Variants in FCHSD2 observed in about 807,000 individuals in gnomAD.
FCHSD2 encodes F-BAR and double SH3 domains protein 2.
FCHSD2 carries 38 observed loss-of-function variants against 108.1 expected under a neutral mutation model. The observed-to-expected ratio is 0.35, with a 90% CI of 0.27 to 0.46. The LOEUF is 0.46. Ranked by LOEUF, FCHSD2 falls within the 20% of genes least tolerant of loss-of-function variation. The probability of loss-of-function intolerance (pLI) is 1.00; values close to 1 mark genes in which losing one functional copy is unlikely to be tolerated. For synonymous variants in FCHSD2, 279 were observed against 314.7 expected (o/e 0.89, Z 1.20); for missense variants, 751 against 897.8 (o/e 0.84, Z 2.09).
intron 10 of FCHSD2, among the ~76,000 whole-genome samples, chr11:72,897,319 TAAA>T (rs140771439): frequency 8.8e-5 from 11 of 124,846 alleles, no homozygotes; most frequent in Admixed American, 2.4e-4. Context: ...TTAAAAAGAG[TAAA>T]AAAAAAAAAA....
chr11:73,108,157 G>C (rs554293617), intron 2 of FCHSD2, among the ~76,000 whole-genome samples: 67 of 152,276 alleles, frequency 4.4e-4, no homozygotes, highest in South Asian at 1.0e-3. Context: ...TTTCTCTGAT[G>C]ATCAATGATG....
At chr11:73,049,684 T>TAAA (rs557262661) in intron 3 of FCHSD2, among the ~76,000 whole-genome samples, 10 of 75,658 alleles carry the variant, frequency 1.3e-4, no homozygotes, top group African/African-American at 3.0e-4. Context: ...TAGAGTATAA[T>TAAA]AAAAAAAAAA....
At chr11:72,909,141 A>T (rs1855694999) in intron 9 of FCHSD2, among the ~76,000 whole-genome samples, 1 of 151,332 alleles carries the variant, frequency 6.6e-6, no homozygotes, top group African/African-American at 2.4e-5. Flanking sequence ...GGCTCCCGTG[A>T]TTCTCCTGCC....
intron 10 of FCHSD2, among the ~76,000 whole-genome samples, chr11:72,895,371 T>C (rs750369407): frequency 3.9e-5 from 6 of 152,148 alleles, no homozygotes; most frequent in Non-Finnish European, 8.8e-5. Context: ...CCCTGAGTAA[T>C]GACATGAAAG....
At chr11:73,015,928 A>G in intron 3 of FCHSD2, 43 bp from the exon 4 acceptor site, 4 of 1,101,220 alleles carry the variant, frequency 3.6e-6, no homozygotes, top group Non-Finnish European at 5.3e-6. Flanking sequence ...ATATTATGCC[A>G]TAAAGGAAGC....
chr11:73,021,603 T>C (rs1040901488), intron 3 of FCHSD2, among the ~76,000 whole-genome samples: 3 of 152,030 alleles, frequency 2.0e-5, no homozygotes, highest in Non-Finnish European at 4.4e-5. Flanking sequence ...AAATAATTAA[T>C]GGGTACTAGG....
intron 8 of FCHSD2, among the ~76,000 whole-genome samples, chr11:72,963,125 T>C (rs972737104): frequency 1.3e-5 from 2 of 152,230 alleles, no homozygotes; most frequent in Non-Finnish European, 2.9e-5. Context: ...ATATACTCAG[T>C]ACTTTACGTG....
intron 2 of FCHSD2, among the ~76,000 whole-genome samples, chr11:73,086,971 T>C (rs1859831360): frequency 6.6e-6 from 1 of 152,218 alleles, no homozygotes; most frequent in Admixed American, 6.5e-5. Context: ...ACAAATATTG[T>C]ATGATTCCAA....
chr11:73,058,183 C>T (rs780928522), intron 3 of FCHSD2, among the ~76,000 whole-genome samples: 1 of 152,116 alleles, frequency 6.6e-6, no homozygotes, highest in Non-Finnish European at 1.5e-5. Flanking sequence ...CTGGCCAATT[C>T]TGTATTCTTT....
chr11:72,949,726 A>G (rs1856588089), intron 8 of FCHSD2, among the ~76,000 whole-genome samples: 1 of 152,206 alleles, frequency 6.6e-6, no homozygotes. Context: ...TTTATGGTTG[A>G]TAATATTCCA....
intron 4 of FCHSD2, among the ~76,000 whole-genome samples, chr11:73,007,243 T>C (rs1857760375): frequency 1.3e-5 from 2 of 152,224 alleles, no homozygotes; most frequent in Admixed American, 1.3e-4. Context: ...CCTAAGTTCA[T>C]GCTGTGAACG....
At chr11:73,068,830 A>G (rs1446263462) in intron 3 of FCHSD2, among the ~76,000 whole-genome samples, 2 of 142,450 alleles carry the variant, frequency 1.4e-5, no homozygotes, top group Non-Finnish European at 3.0e-5. Flanking sequence ...AAAAAAAAAA[A>G]AAGAAAAAGA....
chr11:72,940,702 G>T lies in FCHSD2; in HGVS notation c.706-18752C>A, dbSNP rs531900607. Reference sequence around the variant, plus strand: ...TATATATAGGATTCATGTTCACCGTGGTGGCAGAAAACGCCCAGTTCCTAA... The same window carrying T: ...TATATATAGGATTCATGTTCACCGTTGTGGCAGAAAACGCCCAGTTCCTAA... On this transcript the variant is annotated intron_variant, in intron 8 of 19. Coordinates refer to ENST00000409418, the MANE Select transcript of FCHSD2 (RefSeq NM_014824.3). The T allele has an allele frequency of 7.5e-5, 80 of 1,065,626 alleles. No individual in the cohort carries two copies. In the African/African-American group the frequency reaches 1.2e-3, roughly 16 times the overall value. 66.0% of individuals were successfully genotyped at this position (1,065,626 alleles called of 1,614,324 possible).
rs115306402 is a variant in FCHSD2, at chr11:72,923,916, C to T, written c.706-1966G>A. 3.1e-3 allele frequency among the ~76,000 whole-genome samples: 468 copies of T among 152,144 alleles called. 3 individuals carry two copies. The highest frequency in any genetic ancestry group is 0.011 in the African/African-American group (442 of 41,514). On this transcript the variant is annotated intron_variant, in intron 8 of 19. Coordinates refer to ENST00000409418, the MANE Select transcript of FCHSD2 (RefSeq NM_014824.3). ...TTTGTGCTATTGAAATACAGCTCTGCGTGACAGAGCAAGACTCAGTCTCAG... is the reference window on the plus strand; with the variant it reads ...TTTGTGCTATTGAAATACAGCTCTGTGTGACAGAGCAAGACTCAGTCTCAG...
chr11:72,838,622 A>G lies in FCHSD2; in HGVS notation c.*169T>C. 2 of 603,248 alleles carry G rather than the reference A, an allele frequency of 3.3e-6. No individual in the cohort carries two copies. The highest frequency in any genetic ancestry group is 2.9e-5 in the Admixed American group (1 of 34,420). 37.4% of individuals were successfully genotyped at this position (603,248 alleles called of 1,614,324 possible). The stretch of plus-strand genomic sequence containing the variant: ...ATGACAACAAAAAAAAAAGGCACGA[A>G]ATATTCAAAACGTGGGAGGAGTCTA... On this transcript the variant is annotated 3_prime_UTR_variant, in exon 20 of 20. Transcript: ENST00000409418.
In FCHSD2 at chr11:73,053,111, G is replaced by A. The variant is rs1033447123; in HGVS notation, c.165+30584C>T. Among the ~76,000 whole-genome samples the A allele has an allele frequency of 2.7e-5, 4 of 148,346 alleles. No individual in the cohort carries two copies. The South Asian group carries it at 8.5e-4, about 31-fold the overall frequency. On this transcript the variant is annotated intron_variant, in intron 3 of 19. Coordinates refer to ENST00000409418, the MANE Select transcript of FCHSD2 (RefSeq NM_014824.3). ...TCTGCCCACCTCAGCCTCCCAAAGT[G>A]CTGGGATTACAGGAGTGAGCCACTG...
intron 8 of FCHSD2, among the ~76,000 whole-genome samples, chr11:72,977,637 A>G (rs1218462103): frequency 6.6e-6 from 1 of 152,264 alleles, no homozygotes; most frequent in East Asian, 1.9e-4. Context: ...ACGCTCTCAC[A>G]CCAGTTAGAA....
chr11:73,107,391 A>G (rs1376211222), intron 2 of FCHSD2, among the ~76,000 whole-genome samples: 1 of 152,162 alleles, frequency 6.6e-6, no homozygotes, highest in Non-Finnish European at 1.5e-5. Flanking sequence ...GCAGGTGTAT[A>G]TATAGATGAG....
intron 3 of FCHSD2, among the ~76,000 whole-genome samples, chr11:73,025,569 A>C (rs1299211685): frequency 6.6e-6 from 1 of 152,146 alleles, no homozygotes; most frequent in Non-Finnish European, 1.5e-5. Context: ...GTGATGCAAT[A>C]ATCTGTACCA....
Sources: allele counts gnomAD v4.1 joint callset (sites outside exome capture counted in the v4.1 genomes callset), GRCh38; gene constraint gnomAD v4.1.1; transcripts MANE v1.5; gene names NCBI Gene and HGNC (gene_info 2026-07-23, HGNC 2026-07-21).